Variants in SLC16A7 observed in about 807,000 individuals in gnomAD.
SLC16A7 encodes solute carrier family 16 member 7, also known as monocarboxylate transporter 2.
SLC16A7 carries 33 observed loss-of-function variants against 34.9 expected under a neutral mutation model. The observed-to-expected ratio is 0.94, with a 90% CI of 0.72 to 1.26. The LOEUF (loss-of-function observed/expected upper bound fraction) is 1.26, where lower values mean the gene tolerates loss of function less well. Ranked by LOEUF, SLC16A7 falls within the 50% of genes most tolerant of loss-of-function variation. The probability of loss-of-function intolerance (pLI) is 0.00; values close to 1 mark genes in which losing one functional copy is unlikely to be tolerated. For missense variants in SLC16A7, 573 were observed against 578.1 expected (o/e 0.99, Z 0.09); for synonymous variants, 201 against 206.6 (o/e 0.97, Z 0.23).
At chr12:59,720,360 T>C (rs1489484305) in intron 3 of SLC16A7, among the ~76,000 whole-genome samples, 2 of 152,098 alleles carry the variant, frequency 1.3e-5, no homozygotes, top group African/African-American at 4.8e-5. Context: ...GAAATGTATA[T>C]CTTTTTGTCA....
chr12:59,720,178 T>C (rs1875407286), intron 3 of SLC16A7: 2 of 674,018 alleles, frequency 3.0e-6, no homozygotes, highest in South Asian at 3.2e-5. Context: ...AATAAATTTG[T>C]TCCAGTTTGG....
chr12:59,671,219 G>A (rs1331337244), intron 2 of SLC16A7, among the ~76,000 whole-genome samples: 1 of 152,042 alleles, frequency 6.6e-6, no homozygotes, highest in East Asian at 1.9e-4. Flanking sequence ...TCTCACATAT[G>A]GCATCTGAAT....
chr12:59,706,405 A>T (rs1433283427), intron 3 of SLC16A7, among the ~76,000 whole-genome samples: 1 of 150,990 alleles, frequency 6.6e-6, no homozygotes, highest in Non-Finnish European at 1.5e-5. Flanking sequence ...TTGGTGTTGG[A>T]ATGTGTTTTA....
intron 3 of SLC16A7, among the ~76,000 whole-genome samples, chr12:59,737,233 C>G (rs2137266045): frequency 6.6e-6 from 1 of 152,248 alleles, no homozygotes; most frequent in Middle Eastern, 3.4e-3. Context: ...AATTTTGGCA[C>G]ACACCTAAAA....
Position 59,596,085 on chromosome 12 carries a change from C to T in SLC16A7, c.-281C>T, listed in dbSNP as rs1194422676. On this transcript the variant is annotated 5_prime_UTR_variant, in exon 1 of 6. Coordinates refer to ENST00000547379, the MANE Select transcript of SLC16A7 (RefSeq NM_001270623.2). This position sits in a 1 kb window ranked among gnomAD's most constrained non-coding sequence, Gnocchi z 5.0. The stretch of plus-strand genomic sequence containing the variant: ...CCGCGCCTCCCCTTCCCGCCACCGC[C>T]TCCTTCTCCGCTGGCTGTGGCGGGC... 6.6e-6 allele frequency: 1 copy of T among 152,064 alleles called. No homozygotes were observed. The highest frequency in any genetic ancestry group is 1.5e-5 in the Non-Finnish European group (1 of 68,068). 9.4% of individuals were successfully genotyped at this position (152,064 alleles called of 1,614,324 possible). A position where few individuals can be genotyped will look rare whatever the true frequency, so the allele number is the denominator to read the frequency against.
chr12:59,774,741 T>C lies in SLC16A7; in HGVS notation c.446T>C (p.Leu149Ser). ...FYRKRPMANG[L>S]AMAGSPVFLS... ...AGGAAGCGACCCATGGCAAATGGAT[T>C]GGCCATGGCAGGAAGTCCTGTTTTC... Residue 149 changes from leucine to serine, a missense_variant, in exon 5 of 6, where the codon TTG becomes TCG. Leu to Ser is a moderately radical substitution (Grantham distance 145). Transcript: ENST00000547379. 1 of 1,613,828 alleles carries C rather than the reference T, an allele frequency of 6.2e-7. No individual in the cohort carries two copies. The highest frequency in any genetic ancestry group is 1.3e-5 in the African/African-American group (1 of 75,030).
At chr12:59,635,905 G>T (rs1432663532) in intron 1 of SLC16A7, among the ~76,000 whole-genome samples, 2 of 150,776 alleles carry the variant, frequency 1.3e-5, no homozygotes, top group Non-Finnish European at 2.9e-5. Flanking sequence ...TATTCAGAAA[G>T]ATTCATCTTA....
At chr12:59,738,494 A>G (rs1877868126) in intron 3 of SLC16A7, among the ~76,000 whole-genome samples, 1 of 152,174 alleles carries the variant, frequency 6.6e-6, no homozygotes, top group South Asian at 2.1e-4. Context: ...GCAACTGGTT[A>G]TGGGAGAAGG....
At chr12:59,631,618 G>A (rs769492665) in intron 1 of SLC16A7, among the ~76,000 whole-genome samples, 19 of 152,084 alleles carry the variant, frequency 1.2e-4, no homozygotes, top group South Asian at 4.1e-4. Flanking sequence ...GTGCCATGGT[G>A]GTTTGCTGCA....
intron 2 of SLC16A7, among the ~76,000 whole-genome samples, chr12:59,703,943 C>T (rs1033131519): frequency 1.3e-5 from 2 of 151,398 alleles, no homozygotes; most frequent in African/African-American, 4.8e-5. Flanking sequence ...GGCTCACACC[C>T]GTAATCCCAA....
chr12:59,722,793 T>C (rs150637856), intron 3 of SLC16A7, among the ~76,000 whole-genome samples: 5 of 152,018 alleles, frequency 3.3e-5, no homozygotes, highest in Admixed American at 2.0e-4. Context: ...TGTTTTTTTC[T>C]CCATAACACT....
At chr12:59,621,859 C>T (rs1045180391) in intron 1 of SLC16A7, among the ~76,000 whole-genome samples, 34 of 151,744 alleles carry the variant, frequency 2.2e-4, no homozygotes, top group African/African-American at 7.7e-4. Flanking sequence ...TGATGGAAAT[C>T]TATCTTTGTT....
chr12:59,725,251 T>C (rs906134550), intron 3 of SLC16A7, among the ~76,000 whole-genome samples: 1 of 152,146 alleles, frequency 6.6e-6, no homozygotes. Flanking sequence ...AAGAAATATT[T>C]ACCACTTTGA....
Position 59,774,814 on chromosome 12 carries a change from C to T in SLC16A7, c.519C>T (p.Gly173=). 1 of 1,613,834 alleles carries T rather than the reference C, an allele frequency of 6.2e-7. No homozygotes were observed. Among genetic ancestry groups the T allele is most frequent in the Non-Finnish European group, 8.5e-7 (1 of 1,179,936 alleles). Residue 173 remains glycine, a synonymous_variant, in exon 5 of 6, where the codon GGC becomes GGT. Transcript: ENST00000547379. ...ATCAGTACCTTTTTAATACTTTTGG[C>T]TGGAAAGGAAGCTTCCTGATTTTGG... The part of the protein sequence containing the change: ...PFNQYLFNTF[G]WKGSFLILGS...
intron 1 of SLC16A7, among the ~76,000 whole-genome samples, chr12:59,638,104 C>T (rs959632787): frequency 7.2e-5 from 11 of 151,954 alleles, no homozygotes; most frequent in Middle Eastern, 3.4e-3. Context: ...GCTGTCTATT[C>T]GATAAAGAAT....
chr12:59,607,215 G>C lies in SLC16A7; in HGVS notation c.-130+10979G>C, dbSNP rs114500610. Among the ~76,000 whole-genome samples the C allele has an allele frequency of 8.3e-3, 1,260 of 152,234 alleles. 15 individuals carry two copies. The highest frequency in any genetic ancestry group is 0.029 in the African/African-American group (1,213 of 41,538). ...TCAGAAGATACTTTGCTTTCTGATG[G>C]AGGAATCAAAGAAGACATTAATGAA... On this transcript the variant is annotated intron_variant, in intron 1 of 5. Coordinates refer to ENST00000547379, the MANE Select transcript of SLC16A7 (RefSeq NM_001270623.2).
At chr12:59,685,903 G>C (rs568104409) in intron 2 of SLC16A7, among the ~76,000 whole-genome samples, 11 of 151,922 alleles carry the variant, frequency 7.2e-5, no homozygotes, top group Admixed American at 6.6e-4. Flanking sequence ...ACATATACCA[G>C]ATTCTCTGAG....
intron 1 of SLC16A7, among the ~76,000 whole-genome samples, chr12:59,636,686 G>T (rs755020544): frequency 6.6e-6 from 1 of 152,056 alleles, no homozygotes; most frequent in Admixed American, 6.6e-5. Flanking sequence ...AATTATAAGG[G>T]TGGTGGACAA....
intron 1 of SLC16A7, among the ~76,000 whole-genome samples, chr12:59,616,817 A>T (rs1879474645): frequency 6.6e-6 from 1 of 152,178 alleles, no homozygotes; most frequent in Non-Finnish European, 1.5e-5. Context: ...CATTTTTCCC[A>T]ACATTCATTA....
Sources: gnomAD v4.1 joint callset for allele counts (sites outside exome capture counted in the v4.1 genomes callset) on GRCh38, gnomAD v4.1.1 for gene constraint, Gnocchi (gnomAD v3.1) non-coding constraint, MANE v1.5 for transcripts, NCBI Gene and HGNC (gene_info 2026-07-23, HGNC 2026-07-21) for gene names.